UNC80: variants seen among roughly 807,000 people sequenced by gnomAD.
UNC80 encodes unc-80 subunit of NALCN channel complex, also known as protein unc-80 homolog.
UNC80 carries 164 observed loss-of-function variants against 384.6 expected under a neutral mutation model. The observed-to-expected ratio is 0.43, with a 90% CI of 0.38 to 0.49. UNC80 has a LOEUF of 0.49. Among genes scored for constraint, UNC80 ranks in the 20% least tolerant of loss-of-function variants. The probability of loss-of-function intolerance (pLI) is 0.00; values close to 1 mark genes in which losing one functional copy is unlikely to be tolerated. For synonymous variants in UNC80, 1,486 were observed against 1,527.8 expected (o/e 0.97, Z 0.64); for missense variants, 3,330 against 4,143.0 (o/e 0.80, Z 5.39).
intron 22 of UNC80, among the ~76,000 whole-genome samples, chr2:209,859,394 T>C (rs1050853428): frequency 1.3e-5 from 2 of 152,260 alleles, no homozygotes; most frequent in Non-Finnish European, 2.9e-5. Flanking sequence ...TACTATTCCA[T>C]GGTGTATATG....
intron 1 of UNC80, 115 bp downstream of exon 1, chr2:209,772,279 C>T: frequency 2.5e-6 from 1 of 392,952 alleles, no homozygotes; most frequent in Non-Finnish European, 4.2e-6. Context: ...CTGCAGCTCC[C>T]TCTCTGGGGC....
At chr2:209,974,257 G>A (rs2092953904) in intron 56 of UNC80, among the ~76,000 whole-genome samples, 1 of 152,156 alleles carries the variant, frequency 6.6e-6, no homozygotes, top group Admixed American at 6.6e-5. Flanking sequence ...TTGAAAATGA[G>A]GGGATTGACA....
intron 42 of UNC80, among the ~76,000 whole-genome samples, chr2:209,939,066 C>T (rs1300743050): frequency 6.6e-6 from 1 of 151,946 alleles, no homozygotes; most frequent in East Asian, 1.9e-4. Context: ...AAAGACAAAC[C>T]CGGAACTCCC....
At chr2:209,775,015 A>G (rs910317921) in intron 2 of UNC80, among the ~76,000 whole-genome samples, 1 of 152,236 alleles carries the variant, frequency 6.6e-6, no homozygotes, top group Non-Finnish European at 1.5e-5. Flanking sequence ...GAACATTTAT[A>G]CAATTTTATT....
At position 209,894,335 on chromosome 2, in the gene UNC80, G is replaced by C. The variant is rs1472997620; in HGVS notation, c.4449G>C (p.Leu1483=). The change falls in exon 27 of 65, where the codon CTG becomes CTC. Residue 1483 remains leucine (L), a synonymous_variant. Coordinates refer to ENST00000673920, the MANE Select transcript of UNC80 (RefSeq NM_001371986.1). The part of the protein sequence containing the change: ...DSESEAEELQ[L]SQSRDTVTDL... ...AGTCTGAGGCTGAGGAGCTGCAGCTGTCCCAGAGCAGGGACACTGTCACTG... is the reference window on the plus strand; with the variant it reads ...AGTCTGAGGCTGAGGAGCTGCAGCTCTCCCAGAGCAGGGACACTGTCACTG... 2.0e-6 allele frequency: 2 copies of C among 985,382 alleles called. No individual in the cohort carries two copies. The highest frequency in any genetic ancestry group is 2.4e-6 in the Non-Finnish European group (2 of 829,916). The allele number at this position is 985,382 out of a possible 1,614,324, so 61.0% of individuals were successfully genotyped here. A position where few individuals can be genotyped will look rare whatever the true frequency, so the allele number is the denominator to read the frequency against.
intron 3 of UNC80, 145 bp downstream of exon 3, chr2:209,776,190 A>T (rs1559071380): frequency 2.1e-5 from 21 of 1,016,962 alleles, no homozygotes; most frequent in Non-Finnish European, 2.7e-5. Flanking sequence ...TCCTCCTCAC[A>T]CTTATACTCA....
intron 29 of UNC80, among the ~76,000 whole-genome samples, chr2:209,908,980 T>A (rs899588503): frequency 1.3e-5 from 2 of 152,216 alleles, no homozygotes. Flanking sequence ...AACACCTTAT[T>A]ACAGTGTTAC....
intron 22 of UNC80, among the ~76,000 whole-genome samples, chr2:209,849,970 T>C (rs2082407778): frequency 6.6e-6 from 1 of 151,996 alleles, no homozygotes; most frequent in Non-Finnish European, 1.5e-5. Context: ...ATATTAGATA[T>C]AAAGCCCTCA....
chr2:209,948,516 A>G (rs1383511240), intron 47 of UNC80, among the ~76,000 whole-genome samples: 5 of 152,164 alleles, frequency 3.3e-5, no homozygotes. Flanking sequence ...CCATTTTTAA[A>G]TGAAGTTATC....
intron 6 of UNC80, among the ~76,000 whole-genome samples, chr2:209,792,505 G>A (rs531435568): frequency 2.0e-5 from 3 of 152,010 alleles, no homozygotes; most frequent in South Asian, 4.2e-4. Flanking sequence ...CCACCACCGC[G>A]CCCAGCTAAT....
In UNC80 at chr2:209,976,088, A is replaced by G. The variant is rs1488629804; in HGVS notation, c.8588-31A>G. 6.5e-7 allele frequency: 1 copy of G among 1,536,080 alleles called. No homozygotes were observed. The highest frequency in any genetic ancestry group is 2.5e-5 in the East Asian group (1 of 40,690). ...GGGTTCCTCGGAAGCACACGTCCGC[A>G]GGCTCATTTTTCTCTTTTCCCGGTG... On this transcript the variant is annotated intron_variant, in intron 56 of 64. Coordinates refer to ENST00000673920, the MANE Select transcript of UNC80 (RefSeq NM_001371986.1). This position sits in a 1 kb window ranked among gnomAD's most constrained non-coding sequence, Gnocchi z 4.3.
At chr2:209,835,355 T>A (rs1302364861) in intron 18 of UNC80, among the ~76,000 whole-genome samples, 4 of 152,312 alleles carry the variant, frequency 2.6e-5, no homozygotes, top group South Asian at 4.1e-4. Flanking sequence ...TATAATTTTT[T>A]AAAAACTTAA....
intron 59 of UNC80, 98 bp from the exon 60 acceptor site, chr2:209,982,081 G>T (rs994306318): frequency 1.3e-5 from 16 of 1,271,442 alleles, no homozygotes; most frequent in Non-Finnish European, 1.7e-5. Flanking sequence ...GCCCTAAGTT[G>T]TACACAAGCC....
chr2:209,849,711 C>A, intron 22 of UNC80, 88 bp downstream of exon 22: 2 of 1,332,394 alleles, frequency 1.5e-6, no homozygotes, highest in Non-Finnish European at 2.0e-6. Flanking sequence ...AATTGTAATC[C>A]TCCTGTGTTT....
In UNC80 at chr2:209,820,637, T is replaced by C. The variant is rs1410924201; in HGVS notation, c.2289T>C (p.Gly763=). 6.5e-7 allele frequency: 1 copy of C among 1,548,506 alleles called. No individual in the cohort carries two copies. The part of the protein sequence containing the change: ...GGGDGGGGGG[G]GGGPYEKNDK... ...GTGATGGAGGAGGAGGTGGAGGAGG[T>C]GGAGGCGGCCCTTATGAGAAGAATG... The change falls in exon 13 of 65, where the codon GGT becomes GGC. Residue 763 remains glycine, a synonymous_variant. Coordinates refer to ENST00000673920, the MANE Select transcript of UNC80 (RefSeq NM_001371986.1).
intron 28 of UNC80, among the ~76,000 whole-genome samples, chr2:209,898,541 A>G (rs2087037825): frequency 6.6e-6 from 1 of 152,098 alleles, no homozygotes; most frequent in South Asian, 2.1e-4. Flanking sequence ...AGGTGTTTTG[A>G]TACAGGCATG....
intron 51 of UNC80, among the ~76,000 whole-genome samples, chr2:209,962,435 G>A (rs2092623359): frequency 2.6e-5 from 4 of 152,136 alleles, no homozygotes; most frequent in Admixed American, 2.6e-4. Context: ...TAAAAGGGAA[G>A]AGTAGTATGA....
chr2:209,955,352 A>G (rs1575133550), intron 48 of UNC80, among the ~76,000 whole-genome samples: 1 of 152,100 alleles, frequency 6.6e-6, no homozygotes, highest in East Asian at 1.9e-4. Flanking sequence ...TAGCAGCAAC[A>G]GATGTTTAGT....
chr2:209,964,785 CAAAA>C (rs1299831479), intron 51 of UNC80, among the ~76,000 whole-genome samples: 1 of 57,574 alleles, frequency 1.7e-5, no homozygotes, highest in South Asian at 6.7e-4. Flanking sequence ...GACTCTGTCT[CAAAA>C]AAAAAAAAAA....
Sources: allele counts gnomAD v4.1 joint callset (sites outside exome capture counted in the v4.1 genomes callset), GRCh38; gene constraint gnomAD v4.1.1; non-coding constraint Gnocchi (gnomAD v3.1); transcripts MANE v1.5; gene names NCBI Gene and HGNC (gene_info 2026-07-23, HGNC 2026-07-21).